KBTBD12: variants seen among roughly 807,000 people sequenced by gnomAD.
The protein encoded by KBTBD12 is kelch repeat and BTB domain containing 12, also known as kelch repeat and BTB domain-containing protein 12.
KBTBD12 carries 53 observed loss-of-function variants against 58.7 expected under a neutral mutation model. The ratio of observed to expected loss-of-function variants is 0.90; its 90% CI spans 0.72 to 1.14. The LOEUF is 1.14. Ranked by LOEUF, KBTBD12 falls within the 50% of genes most tolerant of loss-of-function variation. The pLI, the probability that KBTBD12 is intolerant of heterozygous loss-of-function variation, is 0.00. For missense variants in KBTBD12, 704 were observed against 751.3 expected, an observed-to-expected ratio of 0.94 and a Z score of 0.74; for synonymous variants, 236 against 259.8, an observed-to-expected ratio of 0.91 and a Z score of 0.88.
chr3:127,964,901 T>C (rs1281323895), intron 5 of KBTBD12, among the ~76,000 whole-genome samples: 1 of 152,236 alleles, frequency 6.6e-6, no homozygotes, highest in Admixed American at 6.5e-5. Flanking sequence ...AAGACTGTAA[T>C]CTATCATAGT....
intron 4 of KBTBD12, among the ~76,000 whole-genome samples, chr3:127,948,842 C>T (rs925389340): frequency 6.6e-6 from 1 of 152,142 alleles, no homozygotes; most frequent in African/African-American, 2.4e-5. Context: ...GCAAAATCAT[C>T]ACAAAACAAG....
chr3:127,929,296 C>A (rs1054512991), intron 3 of KBTBD12, among the ~76,000 whole-genome samples: 12 of 152,150 alleles, frequency 7.9e-5, no homozygotes, highest in African/African-American at 2.9e-4. Context: ...GTGAGCATAA[C>A]TCTTGGTATA....
At chr3:127,966,595 A>T (rs77390251) in intron 5 of KBTBD12, among the ~76,000 whole-genome samples, 2 of 152,258 alleles carry the variant, frequency 1.3e-5, no homozygotes, top group Non-Finnish European at 2.9e-5. Flanking sequence ...AAAAGCAATT[A>T]TATGGAAAAT....
At chr3:127,946,878 T>C (rs1022318547) in intron 4 of KBTBD12, among the ~76,000 whole-genome samples, 19 of 152,338 alleles carry the variant, frequency 1.2e-4, no homozygotes, top group African/African-American at 3.4e-4. Flanking sequence ...AGTTCACTTA[T>C]CCTGTCTTCC....
chr3:127,922,021 A>G (rs571392893), intron 1 of KBTBD12, among the ~76,000 whole-genome samples: 3 of 152,298 alleles, frequency 2.0e-5, no homozygotes, highest in African/African-American at 7.2e-5. Context: ...AAAAGGTGGT[A>G]GAGACTTGAG....
chr3:127,931,634 A>ATATATTG (rs1310615150), intron 4 of KBTBD12, among the ~76,000 whole-genome samples: 2 of 152,168 alleles, frequency 1.3e-5, no homozygotes, highest in African/African-American at 2.4e-5. Flanking sequence ...TTAAATGATA[A>ATATATTG]TATATTGTTT....
chr3:127,933,888 A>G (rs528810598), intron 4 of KBTBD12, among the ~76,000 whole-genome samples: 2 of 152,210 alleles, frequency 1.3e-5, no homozygotes, highest in South Asian at 2.1e-4. Context: ...GTTTAGGTAA[A>G]TTAGTTAAAA....
chr3:127,951,695 C>G (rs1175146865), intron 4 of KBTBD12, among the ~76,000 whole-genome samples: 1 of 152,140 alleles, frequency 6.6e-6, no homozygotes, highest in East Asian at 1.9e-4. Context: ...GACAGACCAT[C>G]AGGGATTGTC....
At chr3:127,953,079 T>C (rs1451988483) in intron 4 of KBTBD12, among the ~76,000 whole-genome samples, 3 of 152,262 alleles carry the variant, frequency 2.0e-5, no homozygotes, top group Admixed American at 1.3e-4. Flanking sequence ...TATTAACTCA[T>C]GCAGTTGTTG....
rs1940480711 is a variant in KBTBD12 at position 127,963,184 on chromosome 3, T to C, written c.1493-5T>C. On this transcript the variant is annotated splice_region_variant and splice_polypyrimidine_tract_variant and intron_variant, in intron 4 of 5. Transcript: ENST00000405109. ...CCTCTCATTTCTCCACATAATTCTC[T>C]GCAGGTGGCATTGGCTGTGTAGGTC... 2.5e-6 allele frequency: 4 copies of C among 1,593,564 alleles called. No individual in the cohort carries two copies. The highest frequency in any genetic ancestry group is 1.1e-5 in the South Asian group (1 of 87,124).
chr3:127,937,195 A>G (rs1041736944), intron 4 of KBTBD12, among the ~76,000 whole-genome samples: 3 of 151,968 alleles, frequency 2.0e-5, no homozygotes, highest in African/African-American at 7.3e-5. Flanking sequence ...AACAACAACA[A>G]CAACAACAAC....
intron 1 of KBTBD12, among the ~76,000 whole-genome samples, chr3:127,921,838 C>T (rs958707545): frequency 6.6e-5 from 10 of 152,104 alleles, no homozygotes; most frequent in South Asian, 4.1e-4. Context: ...TCCAGATGCT[C>T]TTTTTAAAAC....
chr3:127,943,783 TC>T (rs1940010907), intron 4 of KBTBD12, among the ~76,000 whole-genome samples: 2 of 152,350 alleles, frequency 1.3e-5, no homozygotes, highest in Admixed American at 1.3e-4. Context: ...AAGCAACTTT[TC>T]CCTATGTTTT....
At chr3:127,930,056 TTTGATTAATTGCA>T (rs1370099446) in intron 3 of KBTBD12, 64 bp from the exon 4 acceptor site, 25 of 1,334,290 alleles carry the variant, frequency 1.9e-5, no homozygotes, top group Non-Finnish European at 2.6e-5. Flanking sequence ...GGCTGTCTGC[TTTGATTAATTGCA>T]TTCATGTACT....
Position 127,981,909 on chromosome 3 carries a change from C to G in KBTBD12, c.1691-2188C>G, listed in dbSNP as rs577075872. ...AGGATATACATCCTTTATGAGCACACGTGGATCATTTTCAAAAATTGACTT... is the reference window on the plus strand; with the variant it reads ...AGGATATACATCCTTTATGAGCACAGGTGGATCATTTTCAAAAATTGACTT... On this transcript the variant is annotated intron_variant, in intron 5 of 5. Coordinates refer to ENST00000405109, the MANE Select transcript of KBTBD12 (RefSeq NM_207335.4). Among the ~76,000 whole-genome samples the G allele has an allele frequency of 2.6e-5, 4 of 152,328 alleles. No homozygotes were observed. The East Asian group carries it at 7.7e-4, about 29-fold the overall frequency.
At chr3:127,970,484 G>T (rs1178605698) in intron 5 of KBTBD12, among the ~76,000 whole-genome samples, 1 of 152,176 alleles carries the variant, frequency 6.6e-6, no homozygotes, top group African/African-American at 2.4e-5. Context: ...CACAGCAGCA[G>T]CATTCGTCTC....
intron 4 of KBTBD12, among the ~76,000 whole-genome samples, chr3:127,933,809 A>G (rs574500225): frequency 3.9e-5 from 6 of 152,306 alleles, no homozygotes; most frequent in African/African-American, 1.2e-4. Context: ...CTCATAGGCT[A>G]AAATATAAAA....
chr3:127,970,310 A>G (rs998114651), intron 5 of KBTBD12, among the ~76,000 whole-genome samples: 3 of 152,210 alleles, frequency 2.0e-5, no homozygotes, highest in Non-Finnish European at 4.4e-5. Context: ...AGAAATCAAA[A>G]CCACCATACG....
At chr3:127,974,076 A>T (rs1940733415) in intron 5 of KBTBD12, among the ~76,000 whole-genome samples, 1 of 152,188 alleles carries the variant, frequency 6.6e-6, no homozygotes, top group Non-Finnish European at 1.5e-5. Context: ...TATATAAAAA[A>T]CATTTCTATT....
Sources: allele counts gnomAD v4.1 joint callset (sites outside exome capture counted in the v4.1 genomes callset), GRCh38; gene constraint gnomAD v4.1.1; transcripts MANE v1.5; gene names NCBI Gene and HGNC (gene_info 2026-07-23, HGNC 2026-07-21).